Variants in FSTL4 observed in about 807,000 individuals in gnomAD.
FSTL4 encodes follistatin like 4, also known as follistatin-related protein 4.
In FSTL4, 28 loss-of-function variants were observed where a neutral mutation model predicts 78.2. That is an observed-to-expected ratio of 0.36 (90% confidence interval 0.27 to 0.49). The LOEUF is 0.49. Ranked by LOEUF, FSTL4 falls within the 20% of genes least tolerant of loss-of-function variation. FSTL4 has a pLI of 0.98. For synonymous variants in FSTL4, 422 were observed against 440.5 expected (o/e 0.96, Z 0.53); for missense variants, 922 against 1,084.9 (o/e 0.85, Z 2.11).
intron 4 of FSTL4, among the ~76,000 whole-genome samples, chr5:133,392,916 C>T (rs1414995585): frequency 6.6e-6 from 1 of 152,188 alleles, no homozygotes; most frequent in East Asian, 1.9e-4. Flanking sequence ...GTAATTAATT[C>T]ATTCAAAGTA....
intron 4 of FSTL4, among the ~76,000 whole-genome samples, chr5:133,397,868 A>G (rs1299264648): frequency 6.6e-6 from 1 of 152,194 alleles, no homozygotes; most frequent in Non-Finnish European, 1.5e-5. Flanking sequence ...ATGATTTTAG[A>G]ATTTTTGCTT....
At chr5:133,362,610 G>C (rs1029643068) in intron 4 of FSTL4, among the ~76,000 whole-genome samples, 8 of 152,254 alleles carry the variant, frequency 5.3e-5, no homozygotes, top group Admixed American at 6.5e-5. Context: ...AGGTCTGGGG[G>C]CTGAGGCCTC....
chr5:133,601,666 T>C (rs1268906911), intron 2 of FSTL4, among the ~76,000 whole-genome samples: 1 of 150,904 alleles, frequency 6.6e-6, no homozygotes, highest in Non-Finnish European at 1.5e-5. Flanking sequence ...TTCCTTCGAG[T>C]TTTTTCTTTT....
At chr5:133,280,830 G>A (rs915299883) in intron 6 of FSTL4, among the ~76,000 whole-genome samples, 1 of 152,110 alleles carries the variant, frequency 6.6e-6, no homozygotes, top group Admixed American at 6.5e-5. Flanking sequence ...GCGCCTCCCT[G>A]TCTCCAGGTC....
chr5:133,694,149 G>A, the FSTL4 span, among the ~76,000 whole-genome samples: 2 of 152,178 alleles, frequency 1.3e-5, no homozygotes. Flanking sequence ...CCCCAGCAAA[G>A]CCATGAAAAG....
the FSTL4 span, among the ~76,000 whole-genome samples, chr5:133,708,689 A>G: frequency 3.3e-5 from 5 of 152,196 alleles, no homozygotes; most frequent in Non-Finnish European, 7.3e-5. Context: ...ATCTCCTGAC[A>G]TTACCTTCCC....
Position 133,445,948 on chromosome 5 carries a change from G to A in FSTL4, c.161-44962C>T, listed in dbSNP as rs534140915. ...CTGGGTGCCATTCTAGGCAAACCAC[G>A]TGTCCCCTGGCAGTTCTTTTTAATG... On this transcript the variant is annotated intron_variant, in intron 3 of 15. Transcript: ENST00000265342. 3.9e-5 allele frequency among the ~76,000 whole-genome samples: 6 copies of A among 152,320 alleles called. No individual in the cohort carries two copies. In the East Asian group the frequency reaches 1.2e-3, roughly 29 times the overall value.
the FSTL4 span, among the ~76,000 whole-genome samples, chr5:133,791,020 C>T: frequency 2.0e-5 from 3 of 152,210 alleles, no homozygotes; most frequent in African/African-American, 7.2e-5. Flanking sequence ...GCCCCATTGC[C>T]TCTCTGATCC....
Position 133,545,112 on chromosome 5 carries a change from C to A in FSTL4, c.160+22074G>T, listed in dbSNP as rs952787809. Among the ~76,000 whole-genome samples, 13 of 152,152 alleles carry A rather than the reference C, an allele frequency of 8.5e-5. 1 individual carries two copies. On this transcript the variant is annotated intron_variant, in intron 3 of 15. Transcript: ENST00000265342. ...CATTAAGAGATGAGATGGCTCAGGACAGGGGCTGGTCACCAGAAATATCAA... is the reference window on the plus strand; with the variant it reads ...CATTAAGAGATGAGATGGCTCAGGAAAGGGGCTGGTCACCAGAAATATCAA...
chr5:133,426,551 G>A lies in FSTL4; in HGVS notation c.161-25565C>T, dbSNP rs1004133125. On this transcript the variant is annotated intron_variant, in intron 3 of 15. Coordinates refer to ENST00000265342, the MANE Select transcript of FSTL4 (RefSeq NM_015082.2). This position sits in a 1 kb window ranked among gnomAD's most constrained non-coding sequence, Gnocchi z 5.0. ...GCTCTCATGGCCAATTAGCAGCAGAGGAAACTGAACTGTACCGTGGGTTGG... is the reference window on the plus strand; with the variant it reads ...GCTCTCATGGCCAATTAGCAGCAGAAGAAACTGAACTGTACCGTGGGTTGG... Among the ~76,000 whole-genome samples, 4 of 152,180 alleles carry A rather than the reference G, an allele frequency of 2.6e-5. No individual in the cohort carries two copies. Among genetic ancestry groups the A allele is most frequent in the Admixed American group, 2.0e-4 (3 of 15,278 alleles).
At chr5:133,213,223 G>A (rs191984755) in intron 13 of FSTL4, among the ~76,000 whole-genome samples, 3 of 152,260 alleles carry the variant, frequency 2.0e-5, no homozygotes, top group East Asian at 1.9e-4. Context: ...GACTGGTCTC[G>A]AACTCCTGAC....
intron 5 of FSTL4, among the ~76,000 whole-genome samples, chr5:133,315,933 C>G (rs147408413): frequency 4.3e-4 from 65 of 152,342 alleles, no homozygotes; most frequent in African/African-American, 1.4e-3. Flanking sequence ...ACACTGCAGT[C>G]TCAGGGGAGG....
At chr5:133,443,022 T>C (rs565166510) in intron 3 of FSTL4, among the ~76,000 whole-genome samples, 1 of 152,336 alleles carries the variant, frequency 6.6e-6, no homozygotes, top group South Asian at 2.1e-4. Context: ...TATCAGAAAA[T>C]TGTTACCTCT....
At chr5:133,449,705 C>T (rs1035666953) in intron 3 of FSTL4, among the ~76,000 whole-genome samples, 14 of 152,208 alleles carry the variant, frequency 9.2e-5, no homozygotes, top group African/African-American at 3.4e-4. Flanking sequence ...CAGCAGTTCC[C>T]AGACTTCTGT....
the FSTL4 span, among the ~76,000 whole-genome samples, chr5:133,663,328 T>C: frequency 1.3e-5 from 2 of 152,262 alleles, no homozygotes; most frequent in Non-Finnish European, 2.9e-5. Flanking sequence ...TTGTGTAAGA[T>C]ACTGCCACTG....
the FSTL4 span, among the ~76,000 whole-genome samples, chr5:133,740,672 T>C: frequency 6.6e-6 from 1 of 152,142 alleles, no homozygotes; most frequent in African/African-American, 2.4e-5. Context: ...CTCCCTCTCC[T>C]GCATCTGCCA....
At chr5:133,607,813 C>T (rs1345567569) in intron 1 of FSTL4, among the ~76,000 whole-genome samples, 2 of 152,110 alleles carry the variant, frequency 1.3e-5, no homozygotes, top group African/African-American at 4.8e-5. Context: ...ACCCTTAATT[C>T]CCACATTCTA....
At chr5:133,825,568 T>C in the FSTL4 span, among the ~76,000 whole-genome samples, 1 of 152,206 alleles carries the variant, frequency 6.6e-6, no homozygotes, top group Non-Finnish European at 1.5e-5. Context: ...CATTTCCCAC[T>C]GATGAAAAAT....
chr5:133,341,460 G>A (rs568315354), intron 4 of FSTL4, among the ~76,000 whole-genome samples: 160 of 152,154 alleles, frequency 1.1e-3, no homozygotes, highest in Non-Finnish European at 1.9e-3. Context: ...TCCCTTGCAC[G>A]TGGTCCTAGG....
Sources: allele counts gnomAD v4.1 joint callset (sites outside exome capture counted in the v4.1 genomes callset), GRCh38; gene constraint gnomAD v4.1.1; non-coding constraint Gnocchi (gnomAD v3.1); transcripts MANE v1.5; gene names NCBI Gene and HGNC (gene_info 2026-07-23, HGNC 2026-07-21).